The following NTM variants were observed in gnomAD, a reference collection of about 807,000 sequenced individuals.
NTM encodes IgLON family member 2.
In NTM, 13 loss-of-function variants were observed where a neutral mutation model predicts 42.1. The observed-to-expected ratio is 0.31, with a 90% confidence interval of 0.20 to 0.49. The LOEUF is 0.49. NTM is among the 20% of genes least tolerant of loss of function. The pLI is 0.99. For synonymous variants in NTM, 187 were observed against 179.2 expected, an observed-to-expected ratio of 1.04 and a Z score of -0.35; for missense variants, 373 against 452.8, an observed-to-expected ratio of 0.82 and a Z score of 1.60.
At chr11:131,468,963 C>A (rs1266770643) in intron 1 of NTM, among the ~76,000 whole-genome samples, 1 of 152,248 alleles carries the variant, frequency 6.6e-6, no homozygotes, top group Non-Finnish European at 1.5e-5. Context: ...TAAGGCAGAA[C>A]AATTGGATGA....
intron 1 of NTM, among the ~76,000 whole-genome samples, chr11:131,541,056 C>T (rs972653161): frequency 6.6e-6 from 1 of 152,188 alleles, no homozygotes; most frequent in African/African-American, 2.4e-5. Flanking sequence ...TTGATGGCAG[C>T]TGATTATTCA....
intron 4 of NTM, 52 bp downstream of exon 4, chr11:132,212,199 G>T: frequency 6.4e-6 from 10 of 1,550,430 alleles, no homozygotes; most frequent in South Asian, 1.2e-5. Flanking sequence ...GGGGAATTTT[G>T]GGCCTTTGGT....
intron 4 of NTM, among the ~76,000 whole-genome samples, chr11:132,261,439 C>T (rs955654326): frequency 4.6e-5 from 7 of 152,182 alleles, no homozygotes; most frequent in Admixed American, 2.6e-4. Flanking sequence ...CTTCCTCCTC[C>T]CTTTTGCCGT....
At chr11:132,082,905 C>T (rs2059266048) in intron 2 of NTM, among the ~76,000 whole-genome samples, 2 of 152,150 alleles carry the variant, frequency 1.3e-5, no homozygotes, top group African/African-American at 4.8e-5. Context: ...GTAAGGACGG[C>T]TCAAAAATTC....
chr11:131,942,784 A>G (rs1459283806), intron 2 of NTM, among the ~76,000 whole-genome samples: 2 of 151,990 alleles, frequency 1.3e-5, no homozygotes, highest in East Asian at 3.9e-4. Flanking sequence ...CATCTCTACT[A>G]AAAACGCAAA....
chr11:131,911,670 G>A (rs2137971487), intron 2 of NTM, 22 bp downstream of exon 2: 1 of 1,613,940 alleles, frequency 6.2e-7, no homozygotes, highest in South Asian at 1.1e-5. Flanking sequence ...ACATTGTTCT[G>A]CGAACTGATG....
intron 1 of NTM, among the ~76,000 whole-genome samples, chr11:131,486,545 G>C (rs567640390): frequency 6.6e-6 from 1 of 152,274 alleles, no homozygotes; most frequent in Non-Finnish European, 1.5e-5. Context: ...TTTGGAGCCT[G>C]GCAGAAATTG....
intron 1 of NTM, among the ~76,000 whole-genome samples, chr11:131,789,910 C>A (rs375779866): frequency 9.4e-5 from 13 of 138,126 alleles, no homozygotes; most frequent in Admixed American, 6.7e-4. Context: ...GAGCCGAGAT[C>A]GCGCCACTGC....
At chr11:131,654,359 A>G (rs2066901697) in intron 1 of NTM, among the ~76,000 whole-genome samples, 1 of 152,136 alleles carries the variant, frequency 6.6e-6, no homozygotes, top group Admixed American at 6.5e-5. Context: ...GTCCCAGGGA[A>G]GCCTGGGAGG....
rs148971940 is a variant in NTM at position 131,991,392 on chromosome 11, GATTA to G, written c.167+79749_167+79752del. Among the ~76,000 whole-genome samples the G allele has an allele frequency of 9.9e-5, 15 of 152,170 alleles. No individual in the cohort carries two copies. The East Asian group carries it at 2.3e-3, about 24-fold the overall frequency. On this transcript the variant is annotated intron_variant, in intron 2 of 8. Coordinates refer to ENST00000683400, the MANE Select transcript of NTM (RefSeq NM_001352005.2). Reference sequence around the variant, plus strand: ...TTTTCTCCCTTTGACATCTTCTTCTGATTAATTAGTAATTAATAGGTGATTGATT... The same window carrying G: ...TTTTCTCCCTTTGACATCTTCTTCTGATTAGTAATTAATAGGTGATTGATT...
intron 1 of NTM, among the ~76,000 whole-genome samples, chr11:131,814,110 C>T (rs10894451): frequency 0.13 from 19,843 of 152,154 alleles, 1,371 homozygotes; most frequent in East Asian, 0.28. Context: ...TCCCAGAGAG[C>T]TTAATAGAGC....
At chr11:132,182,061 T>G (rs1324684173) in intron 3 of NTM, among the ~76,000 whole-genome samples, 1 of 151,710 alleles carries the variant, frequency 6.6e-6, no homozygotes, top group Non-Finnish European at 1.5e-5. Context: ...CACTCCATAT[T>G]TCATGAGGAA....
At chr11:131,800,696 C>T (rs1486109226) in intron 1 of NTM, among the ~76,000 whole-genome samples, 1 of 152,164 alleles carries the variant, frequency 6.6e-6, no homozygotes, top group African/African-American at 2.4e-5. Flanking sequence ...CCATCCTCTT[C>T]CTTCTCCCCC....
chr11:131,855,222 C>T (rs1005907812), intron 1 of NTM, among the ~76,000 whole-genome samples: 8 of 152,154 alleles, frequency 5.3e-5, no homozygotes, highest in African/African-American at 1.9e-4. Flanking sequence ...AAGAAACTTG[C>T]TACTCCAAGA....
chr11:131,440,689 T>C (rs1232114909), intron 1 of NTM, among the ~76,000 whole-genome samples: 1 of 151,800 alleles, frequency 6.6e-6, no homozygotes, highest in East Asian at 1.9e-4. Context: ...GAATAAGCTC[T>C]CTATCTCTTC....
At chr11:132,017,773 C>A (rs1051091199) in intron 2 of NTM, among the ~76,000 whole-genome samples, 2 of 151,946 alleles carry the variant, frequency 1.3e-5, no homozygotes, top group African/African-American at 2.4e-5. Context: ...GTCTTTAAAT[C>A]CATGAACATG....
chr11:132,225,943 A>G (rs2086175022), intron 4 of NTM, among the ~76,000 whole-genome samples: 1 of 151,712 alleles, frequency 6.6e-6, no homozygotes, highest in South Asian at 2.1e-4. Flanking sequence ...GCTCCCACTT[A>G]TGAGTGAGAA....
In NTM at chr11:131,545,500, C is replaced by A. The variant is rs369628737; in HGVS notation, c.82+174612C>A. 1.4e-4 allele frequency among the ~76,000 whole-genome samples: 21 copies of A among 152,220 alleles called. 1 individual carries two copies. The highest frequency in any genetic ancestry group is 5.1e-4 in the African/African-American group (21 of 41,550). On this transcript the variant is annotated intron_variant, in intron 1 of 8. Transcript: ENST00000683400. ...TGTATGGATTTATTCATCCATACATCTATCCATCCACCCATTTATTCCACC... is the reference window on the plus strand; with the variant it reads ...TGTATGGATTTATTCATCCATACATATATCCATCCACCCATTTATTCCACC...
chr11:131,572,114 C>G (rs925092914), intron 1 of NTM, among the ~76,000 whole-genome samples: 1 of 152,162 alleles, frequency 6.6e-6, no homozygotes, highest in Non-Finnish European at 1.5e-5. Context: ...GCTGGTGGGT[C>G]AGTGTGTAGC....
Sources: allele counts gnomAD v4.1 joint callset (sites outside exome capture counted in the v4.1 genomes callset), GRCh38; gene constraint gnomAD v4.1.1; transcripts MANE v1.5; gene names NCBI Gene and HGNC (gene_info 2026-07-23, HGNC 2026-07-21).